PI16: variants seen among roughly 807,000 people sequenced by gnomAD.
The protein encoded by PI16 is peptidase inhibitor 16.
A neutral mutation model predicts 38.0 loss-of-function variants in PI16; 35 were observed. That is an observed-to-expected ratio of 0.92 (90% CI 0.70 to 1.22). The LOEUF (loss-of-function observed/expected upper bound fraction) is 1.22, where lower values mean the gene tolerates loss of function less well. Ranked by LOEUF, PI16 falls within the 50% of genes most tolerant of loss-of-function variation. The pLI is 0.00. For synonymous variants in PI16, 275 were observed against 252.9 expected (o/e 1.09, Z -0.83); for missense variants, 572 against 593.8 (o/e 0.96, Z 0.38).
rs1166360448 is a variant in PI16 at position 36,962,889 on chromosome 6, G to A, written c.593-46G>A. The A allele has an allele frequency of 4.0e-6, 6 of 1,509,704 alleles. No homozygotes were observed. The highest frequency in any genetic ancestry group is 3.6e-6 in the Non-Finnish European group (4 of 1,111,556). The allele number at this position is 1,509,704 out of a possible 1,614,324, so 93.5% of individuals were successfully genotyped here. On this transcript the variant is annotated intron_variant, in intron 4 of 6. Transcript: ENST00000373674. The surrounding 1 kb of genome is among the most constrained non-coding windows in gnomAD (Gnocchi z 4.1). ...GGTTTGCAGTGCCATGAGAGATGTG[G>A]GGTCCTGCTTGCAGCACTCATGCCC...
At position 36,959,162 on chromosome 6, in the gene PI16, G is replaced by A; in HGVS notation, c.189G>A (p.Leu63=). The change falls in exon 2 of 7, where the codon CTG becomes CTA. Residue 63 remains leucine, a synonymous_variant. Transcript: ENST00000373674. The part of the protein sequence containing the change: ...DMLHMRWDEE[L]AAFAKAYARQ... ...CCCTGCAGAGATGGGACGAGGAGCT[G>A]GCCGCCTTCGCCAAGGCCTACGCAC... 1 of 1,609,504 alleles carries A rather than the reference G, an allele frequency of 6.2e-7. No homozygotes were observed. The highest frequency in any genetic ancestry group is 8.5e-7 in the Non-Finnish European group (1 of 1,178,678).
rs1269219629 is a variant in PI16, at chr6:36,962,443, C to T, written c.592+469C>T. Among the ~76,000 whole-genome samples, 2 of 152,216 alleles carry T rather than the reference C, an allele frequency of 1.3e-5. No individual in the cohort carries two copies. The highest frequency in any genetic ancestry group is 3.9e-4 in the East Asian group (2 of 5,188). ...TGGCTAGAGGAGCAACTGTGTCAAT[C>T]ACCAGAAGTAACGTTTCTTTTCTTT... On this transcript the variant is annotated intron_variant, in intron 4 of 6. Coordinates refer to ENST00000373674, the MANE Select transcript of PI16 (RefSeq NM_153370.3). The surrounding 1 kb of genome is among the most constrained non-coding windows in gnomAD (Gnocchi z 4.1).
chr6:36,948,695 CCTTA>C (rs1427201745), intron 1 of PI16, among the ~76,000 whole-genome samples: 9 of 129,710 alleles, frequency 6.9e-5, no homozygotes, highest in African/African-American at 9.3e-5. Context: ...TCCCTCCTTT[CCTTA>C]CTGTCTCCCT....
chr6:36,950,147 C>T (rs1198401187), upstream of PI16, among the ~76,000 whole-genome samples: 12 of 152,192 alleles, frequency 7.9e-5, no homozygotes. The surrounding 1 kb of genome is among the most constrained non-coding windows in gnomAD (Gnocchi z 4.2). Flanking sequence ...AGAACTTGTT[C>T]CTCTTCCCAA....
intron 2 of PI16, among the ~76,000 whole-genome samples, chr6:36,959,730 T>G (rs1425421450): frequency 6.6e-6 from 1 of 152,156 alleles, no homozygotes; most frequent in Non-Finnish European, 1.5e-5. Flanking sequence ...CAAAAAACTT[T>G]GCTGGGCGCG....
chr6:36,955,250 C>T (rs1470751305), intron 1 of PI16, among the ~76,000 whole-genome samples: 1 of 152,196 alleles, frequency 6.6e-6, no homozygotes. Flanking sequence ...GCCCTGGCTT[C>T]CCACTCCAAT....
At position 36,962,456 on chromosome 6, in the gene PI16, GTTTCT is replaced by G. The variant is rs1176156647; in HGVS notation, c.593-465_593-461del. Among the ~76,000 whole-genome samples, 1 of 152,036 alleles carries G rather than the reference GTTTCT, an allele frequency of 6.6e-6. No individual in the cohort carries two copies. The highest frequency in any genetic ancestry group is 1.5e-5 in the Non-Finnish European group (1 of 67,972). The stretch of plus-strand genomic sequence containing the variant: ...AACTGTGTCAATCACCAGAAGTAAC[GTTTCT>G]TTTCTTTTCTTTTTTCTTTTTCTTT... On this transcript the variant is annotated intron_variant, in intron 4 of 6. Coordinates refer to ENST00000373674, the MANE Select transcript of PI16 (RefSeq NM_153370.3). The surrounding 1 kb of genome is among the most constrained non-coding windows in gnomAD (Gnocchi z 4.1).
At position 36,960,645 on chromosome 6, in the gene PI16, C is replaced by G. The variant is rs935990193; in HGVS notation, c.394-806C>G. Among the ~76,000 whole-genome samples the G allele has an allele frequency of 2.1e-5, 3 of 143,426 alleles. No homozygotes were observed. In the South Asian group the frequency reaches 7.2e-4, roughly 34 times the overall value. The allele number at this position is 143,426 out of a possible 152,430, so 94.1% of individuals were successfully genotyped here. A position where few individuals can be genotyped will look rare whatever the true frequency, so the allele number is the denominator to read the frequency against. Reference sequence around the variant, plus strand: ...TGCCACCCCTCCCTCTCCCTCCACCCCCCCCCTCCCTCTACCCCCACCCAC... The same window carrying G: ...TGCCACCCCTCCCTCTCCCTCCACCGCCCCCCTCCCTCTACCCCCACCCAC... On this transcript the variant is annotated intron_variant, in intron 2 of 6. Coordinates refer to ENST00000373674, the MANE Select transcript of PI16 (RefSeq NM_153370.3).
Position 36,962,878 on chromosome 6 carries a change from T to G in PI16, c.593-57T>G. ...TCGCGTCACTTGGTTTGCAGTGCCA[T>G]GAGAGATGTGGGGTCCTGCTTGCAG... On this transcript the variant is annotated intron_variant, in intron 4 of 6. Coordinates refer to ENST00000373674, the MANE Select transcript of PI16 (RefSeq NM_153370.3). This position sits in a 1 kb window ranked among gnomAD's most constrained non-coding sequence, Gnocchi z 4.1. 15 of 1,467,762 alleles carry G rather than the reference T, an allele frequency of 1.0e-5. No homozygotes were observed. Among genetic ancestry groups the G allele is most frequent in the African/African-American group, 1.4e-5 (1 of 70,978 alleles). 90.9% of individuals were successfully genotyped at this position (1,467,762 alleles called of 1,614,324 possible).
upstream of PI16, among the ~76,000 whole-genome samples, chr6:36,951,113 GTCGATCA>G (rs1377964120): frequency 1.3e-5 from 2 of 152,208 alleles, no homozygotes; most frequent in Non-Finnish European, 2.9e-5. Flanking sequence ...GGTAAGTGAT[GTCGATCA>G]TCTTTTCATG....
At chr6:36,955,055 C>A in intron 1 of PI16, 124 bp downstream of exon 1, 1 of 1,424,866 alleles carries the variant, frequency 7.0e-7, no homozygotes, top group South Asian at 1.5e-5. Context: ...TTTTTCTGGT[C>A]AGTGACAGAG....
chr6:36,951,194 G>A (rs577423403), upstream of PI16, among the ~76,000 whole-genome samples: 32 of 152,296 alleles, frequency 2.1e-4, no homozygotes, highest in Middle Eastern at 3.4e-3. Context: ...ATAATTGCAT[G>A]AATAATTGCA....
At chr6:36,959,677 A>C (rs948374434) in intron 2 of PI16, among the ~76,000 whole-genome samples, 1 of 152,190 alleles carries the variant, frequency 6.6e-6, no homozygotes, top group Non-Finnish European at 1.5e-5. Context: ...GTTGGAGACC[A>C]GCCTGGGCAA....
At chr6:36,963,636 A>G (rs1299052326) in intron 5 of PI16, 24 bp downstream of exon 5, 3 of 1,604,416 alleles carry the variant, frequency 1.9e-6, no homozygotes, top group Admixed American at 3.4e-5. Flanking sequence ...CATCTGTCCC[A>G]CTTTCCTCCT....
rs1763276015 is a variant in PI16 at position 36,959,046 on chromosome 6, A to T, written c.172-99A>T. 3.9e-6 allele frequency: 4 copies of T among 1,029,972 alleles called. No homozygotes were observed. The Admixed American group carries it at 9.0e-5, about 23-fold the overall frequency. The allele number at this position is 1,029,972 out of a possible 1,614,324, so 63.8% of individuals were successfully genotyped here. On this transcript the variant is annotated intron_variant, in intron 1 of 6. Coordinates refer to ENST00000373674, the MANE Select transcript of PI16 (RefSeq NM_153370.3). ...ATGCCCAAGAGTCACCCTGCTAAGGAGGTGCCGGAAGGATTTCCCCACGAC... is the reference window on the plus strand; with the variant it reads ...ATGCCCAAGAGTCACCCTGCTAAGGTGGTGCCGGAAGGATTTCCCCACGAC...
chr6:36,956,699 G>A (rs966798450), intron 1 of PI16, among the ~76,000 whole-genome samples: 1 of 152,188 alleles, frequency 6.6e-6, no homozygotes, highest in African/African-American at 2.4e-5. Context: ...CTGTAAAATG[G>A]GGATGATAAC....
Position 36,963,804 on chromosome 6 carries a change from A to AG in PI16, c.1271-18dup. ...CACAGCTGTCTCTAGGCTGAGGCAA[A>AG]GCCTCTTTCTTCCCACAGGTGCAGA... On this transcript the variant is annotated intron_variant, in intron 5 of 6. Coordinates refer to ENST00000373674, the MANE Select transcript of PI16 (RefSeq NM_153370.3). 6.4e-7 allele frequency: 1 copy of AG among 1,567,920 alleles called. No homozygotes were observed. Among genetic ancestry groups the AG allele is most frequent in the Non-Finnish European group, 8.6e-7 (1 of 1,160,026 alleles).
At chr6:36,948,469 A>C (rs1250144290) in intron 1 of PI16, 1 of 152,152 alleles carries the variant, frequency 6.6e-6, no homozygotes, top group African/African-American at 2.4e-5. Flanking sequence ...ATGTTTTAAA[A>C]GTTTTTAGAA....
At chr6:36,960,783 A>AGTGCTTGC (rs1200577857) in intron 2 of PI16, among the ~76,000 whole-genome samples, 12 of 152,102 alleles carry the variant, frequency 7.9e-5, no homozygotes, top group Non-Finnish European at 1.2e-4. Context: ...TTCTGCCCAG[A>AGTGCTTGC]AGGTGCTCAA....
Sources: gnomAD v4.1 joint callset for allele counts (sites outside exome capture counted in the v4.1 genomes callset) on GRCh38, gnomAD v4.1.1 for gene constraint, Gnocchi (gnomAD v3.1) non-coding constraint, MANE v1.5 for transcripts, NCBI Gene and HGNC (gene_info 2026-07-23, HGNC 2026-07-21) for gene names.